EPHA6: variants seen among roughly 807,000 people sequenced by gnomAD.
EPHA6 encodes the protein ephrin type-A receptor 6.
A neutral mutation model predicts 112.0 loss-of-function variants in EPHA6; 50 were observed. The ratio of observed to expected loss-of-function variants is 0.45; its 90% confidence interval spans 0.36 to 0.56. EPHA6 has a LOEUF of 0.56. Among genes scored for constraint, EPHA6 ranks in the 20% least tolerant of loss-of-function variants. The pLI is 0.00. For missense variants in EPHA6, 1,280 were observed against 1,417.4 expected (o/e 0.90, Z 1.56); for synonymous variants, 529 against 490.7 (o/e 1.08, Z -1.03).
At chr3:97,112,619 G>A (rs76069735) in intron 3 of EPHA6, among the ~76,000 whole-genome samples, 2,013 of 151,644 alleles carry the variant, frequency 0.013, 40 homozygotes, top group African/African-American at 0.047. Flanking sequence ...CTAAGTTTCT[G>A]TCTGAAATGA....
intron 1 of EPHA6, among the ~76,000 whole-genome samples, chr3:96,821,386 C>A (rs2033240645): frequency 6.6e-6 from 1 of 151,718 alleles, no homozygotes; most frequent in Non-Finnish European, 1.5e-5. Context: ...TACTTTAGTG[C>A]TTTAGAATGT....
At chr3:97,326,513 T>G (rs1383407834) in intron 5 of EPHA6, among the ~76,000 whole-genome samples, 1 of 152,040 alleles carries the variant, frequency 6.6e-6, no homozygotes, top group African/African-American at 2.4e-5. Flanking sequence ...TCACTCCATC[T>G]TCAGAGATTT....
At chr3:97,227,890 CT>C (rs2078407093) in intron 4 of EPHA6, among the ~76,000 whole-genome samples, 1 of 152,110 alleles carries the variant, frequency 6.6e-6, no homozygotes, top group Non-Finnish European at 1.5e-5. Flanking sequence ...TTGGTGGTCT[CT>C]TATCAGGAAG....
chr3:96,855,464 G>T (rs1164689653), intron 1 of EPHA6, among the ~76,000 whole-genome samples: 1 of 151,824 alleles, frequency 6.6e-6, no homozygotes, highest in African/African-American at 2.4e-5. Flanking sequence ...TGTGTACTTG[G>T]GCAGATGCTG....
At chr3:97,333,472 T>C (rs1219319689) in intron 5 of EPHA6, among the ~76,000 whole-genome samples, 10 of 139,138 alleles carry the variant, frequency 7.2e-5, no homozygotes, top group African/African-American at 1.9e-4. Flanking sequence ...GCTTTTCTTT[T>C]TTTTTTTTTT....
At chr3:97,038,167 A>C (rs1204571650) in intron 3 of EPHA6, among the ~76,000 whole-genome samples, 1 of 152,054 alleles carries the variant, frequency 6.6e-6, no homozygotes, top group African/African-American at 2.4e-5. Context: ...GGAACATTCA[A>C]ATTATTCTCA....
chr3:97,075,343 A>G (rs2046483206), intron 3 of EPHA6, among the ~76,000 whole-genome samples: 1 of 152,004 alleles, frequency 6.6e-6, no homozygotes, highest in Admixed American at 6.6e-5. Flanking sequence ...ATGTTCCAGA[A>G]TTTTTCCAAT....
intron 6 of EPHA6, among the ~76,000 whole-genome samples, chr3:97,428,026 C>T (rs796118213): frequency 9.2e-5 from 14 of 151,916 alleles, no homozygotes; most frequent in African/African-American, 3.4e-4. Context: ...TGTAACAAAC[C>T]TGCACATGTA....
Position 97,303,523 on chromosome 3 carries a change from C to T in EPHA6, c.1606+59236C>T, listed in dbSNP as rs985582255. ...TTATGGAGGTTGAGAAGTCCCACGA[C>T]AGGCTGTCTACAAGCTGGACACCTT... On this transcript the variant is annotated intron_variant, in intron 5 of 17. Transcript: ENST00000389672. 4.6e-5 allele frequency among the ~76,000 whole-genome samples: 7 copies of T among 152,014 alleles called. 1 individual carries two copies. The highest frequency in any genetic ancestry group is 1.0e-4 in the Non-Finnish European group (7 of 67,960).
At chr3:97,290,704 T>C (rs1276169189) in intron 5 of EPHA6, among the ~76,000 whole-genome samples, 5 of 152,172 alleles carry the variant, frequency 3.3e-5, no homozygotes, top group Non-Finnish European at 5.9e-5. Context: ...ATCTTTTGTA[T>C]TTCTGAGGTC....
At chr3:97,714,406 T>C (rs1021846653) in intron 14 of EPHA6, among the ~76,000 whole-genome samples, 6 of 152,200 alleles carry the variant, frequency 3.9e-5, no homozygotes, top group African/African-American at 1.4e-4. Flanking sequence ...TAAAGACAGA[T>C]ATTATTTCCA....
chr3:96,900,023 A>G (rs1258294850), intron 2 of EPHA6, among the ~76,000 whole-genome samples: 1 of 152,160 alleles, frequency 6.6e-6, no homozygotes, highest in Non-Finnish European at 1.5e-5. Flanking sequence ...CTGTACTGTG[A>G]ACCATGGGAA....
intron 3 of EPHA6, among the ~76,000 whole-genome samples, chr3:97,032,814 A>G (rs2044921169): frequency 6.6e-6 from 1 of 151,998 alleles, no homozygotes; most frequent in South Asian, 2.1e-4. Context: ...AAGCCTAGCG[A>G]TAAAAGGCAA....
At chr3:97,359,516 T>C (rs1577084934) in intron 5 of EPHA6, among the ~76,000 whole-genome samples, 1 of 152,142 alleles carries the variant, frequency 6.6e-6, no homozygotes, top group Middle Eastern at 3.4e-3. Flanking sequence ...CAGTTTTTGT[T>C]TGTTTGTTTA....
At chr3:97,723,486 G>A (rs1045088292) in intron 15 of EPHA6, among the ~76,000 whole-genome samples, 1 of 152,182 alleles carries the variant, frequency 6.6e-6, no homozygotes, top group African/African-American at 2.4e-5. Context: ...AGATGCTGCA[G>A]CCAGGAATAG....
In EPHA6 at chr3:97,483,994, C is replaced by A. The variant is rs1470302342; in HGVS notation, c.2135C>A (p.Ala712Glu). 6.2e-7 allele frequency: 1 copy of A among 1,610,756 alleles called. No homozygotes were observed. The highest frequency in any genetic ancestry group is 8.5e-7 in the Non-Finnish European group (1 of 1,178,462). ...DPDTYEDPSL[A>E]VHEFAKEIDP... is the part of the protein sequence containing the mutation. Reference sequence around the variant, plus strand: ...GATACATATGAAGACCCATCCCTAGCAGTCCATGAATTTGCAAAGGAGATT... The same window carrying A: ...GATACATATGAAGACCCATCCCTAGAAGTCCATGAATTTGCAAAGGAGATT... Residue 712 changes from alanine to glutamate, a missense_variant, in exon 10 of 18, where the codon GCA becomes GAA. Transcript: ENST00000389672.
intron 14 of EPHA6, among the ~76,000 whole-genome samples, chr3:97,648,082 G>A (rs372974313): frequency 4.3e-4 from 66 of 152,070 alleles, no homozygotes; most frequent in African/African-American, 1.3e-3. Flanking sequence ...TGCAATACTC[G>A]TTAAAAATTT....
chr3:97,528,897 T>C (rs2092662263), intron 10 of EPHA6, among the ~76,000 whole-genome samples: 1 of 152,110 alleles, frequency 6.6e-6, no homozygotes, highest in Non-Finnish European at 1.5e-5. Flanking sequence ...AGAAGATCAA[T>C]TATCCTATAT....
At chr3:96,936,430 A>G (rs2040585130) in intron 2 of EPHA6, among the ~76,000 whole-genome samples, 1 of 152,048 alleles carries the variant, frequency 6.6e-6, no homozygotes, top group African/African-American at 2.4e-5. Flanking sequence ...CATTATAATG[A>G]TAGAGTATGA....
Sources: allele counts gnomAD v4.1 joint callset (sites outside exome capture counted in the v4.1 genomes callset), GRCh38; gene constraint gnomAD v4.1.1; transcripts MANE v1.5; gene names NCBI Gene and HGNC (gene_info 2026-07-23, HGNC 2026-07-21).